Variants in KIF5C observed in about 807,000 individuals in gnomAD.
The protein encoded by KIF5C is kinesin family member 5C.
In KIF5C, 18 loss-of-function variants were observed where a neutral mutation model predicts 125.2. The observed-to-expected ratio is 0.14, with a 90% CI of 0.10 to 0.21. KIF5C has a LOEUF of 0.21. Ranked by LOEUF, KIF5C falls within the 10% of genes least tolerant of loss-of-function variation. KIF5C has a pLI of 1.00. For missense variants in KIF5C, 780 were observed against 1,183.8 expected, an observed-to-expected ratio of 0.66 and a Z score of 5.01; for synonymous variants, 405 against 434.0, an observed-to-expected ratio of 0.93 and a Z score of 0.83.
At chr2:148,946,451 G>T (rs1682521777) in intron 7 of KIF5C, among the ~76,000 whole-genome samples, 1 of 152,188 alleles carries the variant, frequency 6.6e-6, no homozygotes, top group Non-Finnish European at 1.5e-5. Flanking sequence ...CTTAATCCTT[G>T]CTTAAGAAAG....
chr2:148,896,330 A>G (rs1199580364), intron 1 of KIF5C, among the ~76,000 whole-genome samples: 2 of 152,344 alleles, frequency 1.3e-5, no homozygotes, highest in East Asian at 3.9e-4. Context: ...TAGAGAGGCC[A>G]CGTCAGCAGC....
At chr2:149,022,955 GT>G (rs1226703884) in intron 25 of KIF5C, 122 bp from the exon 26 acceptor site, 2 of 152,144 alleles carry the variant, frequency 1.3e-5, no homozygotes, top group African/African-American at 4.8e-5. Context: ...TATGTGGCTT[GT>G]GTTATATTTG....
At position 148,901,804 on chromosome 2, in the gene KIF5C, C is replaced by A. The variant is rs565612797; in HGVS notation, c.127-20333C>A. ...CTCCTTGCTCCTGGAAACCTCCCCC[C>A]ATCAATCTCTGACATTTCAGAGGAA... On this transcript the variant is annotated intron_variant, in intron 1 of 25. Coordinates refer to ENST00000435030, the MANE Select transcript of KIF5C (RefSeq NM_004522.3). 2.6e-4 allele frequency among the ~76,000 whole-genome samples: 40 copies of A among 152,266 alleles called. No homozygotes were observed. The Middle Eastern group carries it at 0.02, about 78-fold the overall frequency.
intron 1 of KIF5C, 89 bp downstream of exon 1, chr2:148,875,832 G>GC: frequency 6.7e-7 from 1 of 1,496,942 alleles, no homozygotes; most frequent in Non-Finnish European, 8.9e-7. Context: ...TGTTTAGGCC[G>GC]CCCCCTCGGA....
intron 11 of KIF5C, among the ~76,000 whole-genome samples, chr2:148,970,723 G>A (rs1680877236): frequency 6.6e-6 from 1 of 152,178 alleles, no homozygotes; most frequent in Admixed American, 6.5e-5. Context: ...TGTGACTTTG[G>A]TTAGAACAGG....
chr2:148,889,435 A>AG (rs1681645268), intron 1 of KIF5C, among the ~76,000 whole-genome samples: 1 of 152,142 alleles, frequency 6.6e-6, no homozygotes, highest in Admixed American at 6.5e-5. Flanking sequence ...GGCTATATAG[A>AG]GGGAGGAAGG....
intron 1 of KIF5C, among the ~76,000 whole-genome samples, chr2:148,910,527 C>T (rs1488898661): frequency 6.6e-6 from 1 of 152,170 alleles, no homozygotes; most frequent in East Asian, 1.9e-4. Context: ...GCATTTTTTC[C>T]ATGACATGGT....
intron 1 of KIF5C, among the ~76,000 whole-genome samples, chr2:148,908,455 T>G (rs752280236): frequency 5.3e-5 from 8 of 152,250 alleles, no homozygotes; most frequent in Admixed American, 2.0e-4. Context: ...CCACTCTTGT[T>G]TGTTATTTCT....
At chr2:148,985,853 A>G (rs1247009905) in intron 15 of KIF5C, among the ~76,000 whole-genome samples, 2 of 152,180 alleles carry the variant, frequency 1.3e-5, no homozygotes, top group Non-Finnish European at 2.9e-5. Flanking sequence ...ACCGCTCGTA[A>G]ATGTAACCAT....
intron 1 of KIF5C, among the ~76,000 whole-genome samples, chr2:148,918,884 G>A (rs908919825): frequency 1.3e-5 from 2 of 152,256 alleles, no homozygotes; most frequent in African/African-American, 4.8e-5. Flanking sequence ...GGTGATAGCT[G>A]TTGTGTAGAA....
chr2:148,953,761 G>A (rs72866041), intron 10 of KIF5C, among the ~76,000 whole-genome samples: 334 of 152,274 alleles, frequency 2.2e-3, no homozygotes, highest in Non-Finnish European at 3.4e-3. Flanking sequence ...TATGTGTTTC[G>A]AAGCAGTTCA....
Position 148,875,575 on chromosome 2 carries a change from G to GGCCCCCCCCCCCCCCCCCCC in KIF5C, c.-43_-42insGCCCCCCCCCCCCCCCCCCC. 9 of 699,546 alleles carry GGCCCCCCCCCCCCCCCCCCC rather than the reference G, an allele frequency of 1.3e-5. No homozygotes were observed. The highest frequency in any genetic ancestry group is 3.0e-5 in the East Asian group (1 of 33,458). The allele number at this position is 699,546 out of a possible 1,614,324, so 43.3% of individuals were successfully genotyped here. On this transcript the variant is annotated 5_prime_UTR_variant, in exon 1 of 26. Coordinates refer to ENST00000435030, the MANE Select transcript of KIF5C (RefSeq NM_004522.3). ...TCCTCCCTCGTCGTTCCCGGCCCCGGCCCCCCACCCATCCCCGTGCCCCCT... is the reference window on the plus strand; with the variant it reads ...TCCTCCCTCGTCGTTCCCGGCCCCGGGCCCCCCCCCCCCCCCCCCCCCCCCCACCCATCCCCGTGCCCCCT...
chr2:148,920,298 A>T (rs543737977), intron 1 of KIF5C, among the ~76,000 whole-genome samples: 1 of 152,240 alleles, frequency 6.6e-6, no homozygotes, highest in African/African-American at 2.4e-5. Flanking sequence ...AATTGATAAC[A>T]AATACCCAGA....
At chr2:148,990,222 G>A (rs534922153) in intron 15 of KIF5C, among the ~76,000 whole-genome samples, 157 of 152,332 alleles carry the variant, frequency 1.0e-3, no homozygotes, top group African/African-American at 3.7e-3. Flanking sequence ...TTCAAGTAGA[G>A]CTTTGAAACT....
At chr2:148,942,063 T>A in intron 6 of KIF5C, 73 bp downstream of exon 6, 1 of 1,535,780 alleles carries the variant, frequency 6.5e-7, no homozygotes, top group Non-Finnish European at 8.9e-7. Flanking sequence ...TTACATAAGA[T>A]GTGCAGAATA....
intron 10 of KIF5C, among the ~76,000 whole-genome samples, chr2:148,951,511 C>G (rs1475652455): frequency 6.6e-6 from 1 of 152,138 alleles, no homozygotes; most frequent in African/African-American, 2.4e-5. Context: ...TTCCTCAGTT[C>G]CAGTGTTTAG....
intron 1 of KIF5C, among the ~76,000 whole-genome samples, chr2:148,917,670 G>C (rs1006047389): frequency 2.0e-5 from 3 of 152,208 alleles, no homozygotes; most frequent in Non-Finnish European, 4.4e-5. Context: ...GGAACACAGA[G>C]TTACTTATTG....
At chr2:148,878,921 T>C (rs1167729473) in intron 1 of KIF5C, 1 of 152,228 alleles carries the variant, frequency 6.6e-6, no homozygotes, top group Admixed American at 6.5e-5. Flanking sequence ...TTTTTGAAAC[T>C]GGGGTCATTT....
chr2:148,879,869 A>G (rs1681298967), intron 1 of KIF5C: 1 of 152,218 alleles, frequency 6.6e-6, no homozygotes, highest in Non-Finnish European at 1.5e-5. Context: ...CTGAGGGCCT[A>G]AGAGCCAGAG....
Sources: allele counts gnomAD v4.1 joint callset (sites outside exome capture counted in the v4.1 genomes callset), GRCh38; gene constraint gnomAD v4.1.1; transcripts MANE v1.5; gene names NCBI Gene and HGNC (gene_info 2026-07-23, HGNC 2026-07-21).